Variants in TANC2 observed in about 807,000 individuals in gnomAD.
TANC2 encodes protein TANC2.
Under a neutral mutation model 210.5 loss-of-function variants are expected in TANC2, and 26 were observed. The observed-to-expected ratio is 0.12, with a 90% CI of 0.09 to 0.17. The LOEUF (loss-of-function observed/expected upper bound fraction) is 0.17. TANC2 is among the 10% of genes least tolerant of loss of function. The pLI is 1.00. For missense variants in TANC2, 2,129 were observed against 2,608.9 expected (o/e 0.82, Z 4.01); for synonymous variants, 931 against 967.1 (o/e 0.96, Z 0.69).
intron 10 of TANC2, among the ~76,000 whole-genome samples, chr17:63,315,001 C>T (rs1006402945): frequency 1.3e-5 from 2 of 152,150 alleles, no homozygotes; most frequent in Non-Finnish European, 2.9e-5. Flanking sequence ...TTGGATTTTG[C>T]TCAGTCTGTG....
At chr17:63,053,290 C>G (rs935877759) in intron 2 of TANC2, among the ~76,000 whole-genome samples, 2 of 152,204 alleles carry the variant, frequency 1.3e-5, no homozygotes, top group African/African-American at 4.8e-5. Flanking sequence ...GAACTTAATC[C>G]CATCGGGTTT....
rs980352220 is a variant in TANC2 at position 63,186,912 on chromosome 17, A to G, written c.434-7079A>G. ...ACAGAGATTGTTTTTCAACAACCAGATATCTGTTTCTCATACCTCAAAGTT... is the reference window on the plus strand; with the variant it reads ...ACAGAGATTGTTTTTCAACAACCAGGTATCTGTTTCTCATACCTCAAAGTT... On this transcript the variant is annotated intron_variant, in intron 5 of 27. Transcript: ENST00000689528. Among the ~76,000 whole-genome samples, 3 of 152,188 alleles carry G rather than the reference A, an allele frequency of 2.0e-5. No homozygotes were observed. In the East Asian group the frequency reaches 5.8e-4, roughly 29 times the overall value.
At chr17:62,980,858 C>T (rs1020047820) in intron 1 of TANC2, among the ~76,000 whole-genome samples, 2 of 152,162 alleles carry the variant, frequency 1.3e-5, no homozygotes, top group Non-Finnish European at 2.9e-5. Flanking sequence ...TCTGTTACAT[C>T]GTACCCTCAT....
intron 5 of TANC2, among the ~76,000 whole-genome samples, chr17:63,164,598 G>T (rs749954908): frequency 1.5e-4 from 23 of 152,224 alleles, no homozygotes; most frequent in South Asian, 2.1e-4. Flanking sequence ...AGGCCATAAA[G>T]TTCCAAGAAC....
rs2048985255 is a variant in TANC2, at chr17:63,420,303, C to G, written c.4573C>G (p.Gln1525Glu). 3 of 1,613,802 alleles carry G rather than the reference C, an allele frequency of 1.9e-6. No individual in the cohort carries two copies. The highest frequency in any genetic ancestry group is 1.7e-6 in the Non-Finnish European group (2 of 1,179,882). Residue 1525 changes from glutamine (Q) to glutamate (E), a missense_variant, in exon 28 of 28, where the codon CAG becomes GAG. Transcript: ENST00000689528. This position sits in a 1 kb window ranked among gnomAD's most constrained non-coding sequence, Gnocchi z 4.2. ...GCCCAGCCAGGGGCTCCCGGTCATCCAGAGCCCACCCTCCTCTCCCCCGCA... is the reference window on the plus strand; with the variant it reads ...GCCCAGCCAGGGGCTCCCGGTCATCGAGAGCCCACCCTCCTCTCCCCCGCA...
intron 2 of TANC2, among the ~76,000 whole-genome samples, chr17:63,041,112 T>G (rs2035168563): frequency 6.6e-6 from 1 of 152,082 alleles, no homozygotes; most frequent in South Asian, 2.1e-4. Flanking sequence ...CCTAGTAGTC[T>G]CCATAGTACT....
exon 28 of TANC2, chr17:63,424,797 T>C (rs1222668741): frequency 6.6e-6 from 1 of 152,160 alleles, no homozygotes; most frequent in Non-Finnish European, 1.5e-5. Context: ...TCTTGTCTTT[T>C]AGTGTATTTT....
In TANC2 at chr17:63,011,193, G is replaced by A. The variant is rs945252881; in HGVS notation, c.67+1567G>A. Among the ~76,000 whole-genome samples the A allele has an allele frequency of 2.0e-5, 3 of 152,008 alleles. No individual in the cohort carries two copies. The East Asian group carries it at 5.8e-4, about 29-fold the overall frequency. Reference sequence around the variant, plus strand: ...GTTTTAGAGCTGTGTGCCAGGAAATGAGCAGAGACAAATATGTTTTTTTTT... The same window carrying A: ...GTTTTAGAGCTGTGTGCCAGGAAATAAGCAGAGACAAATATGTTTTTTTTT... On this transcript the variant is annotated intron_variant, in intron 2 of 27. Transcript: ENST00000689528.
intron 9 of TANC2, among the ~76,000 whole-genome samples, chr17:63,313,948 C>T (rs968944166): frequency 5.9e-5 from 9 of 152,130 alleles, no homozygotes; most frequent in African/African-American, 1.7e-4. Flanking sequence ...CTAGATGCCC[C>T]GCCACAGCCT....
chr17:63,411,967 T>G, intron 22 of TANC2, 31 bp from the exon 23 acceptor site: 1 of 1,613,110 alleles, frequency 6.2e-7, no homozygotes, highest in Non-Finnish European at 8.5e-7. Flanking sequence ...ATTACGCCTG[T>G]CCTAACTTCT....
intron 5 of TANC2, among the ~76,000 whole-genome samples, chr17:63,191,463 A>T (rs73323748): frequency 0.025 from 3,720 of 151,430 alleles, 154 homozygotes; most frequent in African/African-American, 0.085. Context: ...CTTTTAAAAA[A>T]ATATATTATT....
intron 14 of TANC2, among the ~76,000 whole-genome samples, chr17:63,367,780 A>T (rs2047152555): frequency 6.6e-6 from 1 of 152,182 alleles, no homozygotes; most frequent in African/African-American, 2.4e-5. Flanking sequence ...ATGAGAGAAT[A>T]AGATGCGTGA....
intron 19 of TANC2, among the ~76,000 whole-genome samples, chr17:63,403,697 A>C (rs2048411715): frequency 6.6e-6 from 1 of 152,344 alleles, no homozygotes; most frequent in Admixed American, 6.5e-5. Context: ...TTCCAACTAA[A>C]ATTGAAAATA....
chr17:63,013,332 G>A (rs1474967727), intron 2 of TANC2, among the ~76,000 whole-genome samples: 2 of 151,658 alleles, frequency 1.3e-5, no homozygotes, highest in East Asian at 1.9e-4. Flanking sequence ...GGCTTCTTCC[G>A]TTTTTTTCTG....
intron 7 of TANC2, among the ~76,000 whole-genome samples, chr17:63,203,509 A>G (rs2041602003): frequency 6.6e-6 from 1 of 152,198 alleles, no homozygotes; most frequent in Non-Finnish European, 1.5e-5. Context: ...GACCTGTGTC[A>G]TCTGACTTTC....
In TANC2 at chr17:63,318,633, A is replaced by G. The variant is rs1011521509; in HGVS notation, c.1442-324A>G. On this transcript the variant is annotated intron_variant, in intron 10 of 27. Transcript: ENST00000689528. ...TTTTTACTGACCTCTTGGATTTAGC[A>G]TAACATTTTCAAGGGTTTATCCCCG... 2.3e-4 allele frequency among the ~76,000 whole-genome samples: 35 copies of G among 152,214 alleles called. 1 individual carries two copies. Among genetic ancestry groups the G allele is most frequent in the Non-Finnish European group, 5.9e-5 (4 of 68,040 alleles).
At chr17:63,280,223 A>G (rs72845237) in intron 9 of TANC2, among the ~76,000 whole-genome samples, 21,501 of 152,054 alleles carry the variant, frequency 0.14, 1,965 homozygotes, top group Middle Eastern at 0.21. Context: ...AACTTAGTTC[A>G]TTTCTCTCTT....
At chr17:62,995,833 G>A (rs987553086) in intron 1 of TANC2, among the ~76,000 whole-genome samples, 2 of 152,178 alleles carry the variant, frequency 1.3e-5, no homozygotes, top group African/African-American at 2.4e-5. Context: ...AGTGGTGTGC[G>A]CCGGTAGTCC....
At chr17:63,384,956 C>CT (rs557099330) in intron 15 of TANC2, among the ~76,000 whole-genome samples, 1 of 152,116 alleles carries the variant, frequency 6.6e-6, no homozygotes, top group South Asian at 2.1e-4. Context: ...ATTACTTTTC[C>CT]TTTTTTTAGT....
Sources: gnomAD v4.1 joint callset for allele counts (sites outside exome capture counted in the v4.1 genomes callset) on GRCh38, gnomAD v4.1.1 for gene constraint, Gnocchi (gnomAD v3.1) non-coding constraint, MANE v1.5 for transcripts, NCBI Gene and HGNC (gene_info 2026-07-23, HGNC 2026-07-21) for gene names.